The following PCLAF variants were observed in gnomAD, a reference collection of about 807,000 sequenced individuals.
The protein encoded by PCLAF is PCNA-associated factor.
Under a neutral mutation model 15.1 loss-of-function variants are expected in PCLAF, and 12 were observed. The ratio of observed to expected loss-of-function variants is 0.79; its 90% CI spans 0.51 to 1.29. The LOEUF is 1.29. Among genes scored for constraint, PCLAF ranks in the 50% most tolerant of loss-of-function variants. The pLI is 0.00. For missense variants in PCLAF, 116 were observed against 130.9 expected (o/e 0.89, Z 0.56); for synonymous variants, 33 against 47.1 (o/e 0.70, Z 1.22).
rs903935696 is a variant in PCLAF at position 64,365,163 on chromosome 15, C to T, written c.*867G>A. On this transcript the variant is annotated 3_prime_UTR_variant, in exon 4 of 4. Transcript: ENST00000300035. Reference sequence around the variant, plus strand: ...GACTACAGGCGCCCGCCACCGCGCCCGGCTAATTTTTTGTATTTTTAGTAG... The same window carrying T: ...GACTACAGGCGCCCGCCACCGCGCCTGGCTAATTTTTTGTATTTTTAGTAG... 2.6e-5 allele frequency: 4 copies of T among 151,844 alleles called. No individual in the cohort carries two copies. Among genetic ancestry groups the T allele is most frequent in the African/African-American group, 4.8e-5 (2 of 41,352 alleles). The allele number at this position is 151,844 out of a possible 1,614,324, so 9.4% of individuals were successfully genotyped here. A position where few individuals can be genotyped will look rare whatever the true frequency, so the allele number is the denominator to read the frequency against.
chr15:64,368,065 G>C (rs958929680), intron 3 of PCLAF, among the ~76,000 whole-genome samples: 1 of 151,944 alleles, frequency 6.6e-6, no homozygotes, highest in African/African-American at 2.4e-5. Context: ...TCGTTGGCCC[G>C]GCGCGGTGGC....
At position 64,381,431 on chromosome 15, in the gene PCLAF, A is replaced by C; in HGVS notation, c.-60T>G. The C allele has an allele frequency of 1.2e-6, 2 of 1,613,444 alleles. No homozygotes were observed. Among genetic ancestry groups the C allele is most frequent in the Non-Finnish European group, 1.7e-6 (2 of 1,179,684 alleles). On this transcript the variant is annotated 5_prime_UTR_variant, in exon 1 of 4. Transcript: ENST00000300035. ...CTGACTTCCCAGCCGAGGGTGTTTC[A>C]CTGGACAAGGACCCGAAAACTATCC...
rs754634033 is a variant in PCLAF at position 64,376,853 on chromosome 15, C to T, written c.180G>A (p.Lys60=). The T allele has an allele frequency of 1.9e-6, 3 of 1,613,916 alleles. No individual in the cohort carries two copies. The South Asian group carries it at 3.3e-5, about 18-fold the overall frequency. ...AGAATTCTCCAATTCCTTTTTGCCA[C>T]TTGGGAGTTGGGCGCACGCAAACGG... The part of the protein sequence containing the change: ...GNPVCVRPTP[K]WQKGIGEFFR... Residue 60 remains lysine, a synonymous_variant, in exon 3 of 4, where the codon AAG becomes AAA. Transcript: ENST00000300035.
upstream of PCLAF, among the ~76,000 whole-genome samples, chr15:64,384,054 G>A (rs1485398844): frequency 6.6e-6 from 1 of 152,158 alleles, no homozygotes; most frequent in African/African-American, 2.4e-5. Context: ...GTGGTGTGGA[G>A]TGAACCTGAA....
chr15:64,381,634 C>CCTTT, upstream of PCLAF: 3 of 942,754 alleles, frequency 3.2e-6, no homozygotes, highest in Non-Finnish European at 4.5e-6. Flanking sequence ...GATTCGTAGG[C>CCTTT]GCCCCAGGTG....
intron 2 of PCLAF, among the ~76,000 whole-genome samples, chr15:64,378,137 A>G (rs1444374034): frequency 6.6e-6 from 1 of 151,958 alleles, no homozygotes; most frequent in African/African-American, 2.4e-5. Context: ...TCACCATGCT[A>G]GGATGGTCTC....
At chr15:64,380,120 C>T (rs2062248) in intron 2 of PCLAF, among the ~76,000 whole-genome samples, 122,749 of 151,994 alleles carry the variant, frequency 0.81, 50,433 homozygotes, top group East Asian at 0.95. Flanking sequence ...TGGTGGATCA[C>T]GTCTGTGTTC....
intron 1 of PCLAF, 48 bp from the exon 2 acceptor site, chr15:64,381,086 C>T (rs1899801774): frequency 6.4e-7 from 1 of 1,565,114 alleles, no homozygotes. Context: ...AGGAGGGTTC[C>T]GACACCGAGT....
At chr15:64,368,226 T>C (rs1364381941) in intron 3 of PCLAF, among the ~76,000 whole-genome samples, 1 of 151,874 alleles carries the variant, frequency 6.6e-6, no homozygotes, top group African/African-American at 2.4e-5. Flanking sequence ...GTGCCTGTAA[T>C]CCCAGCTACT....
At chr15:64,370,724 A>G (rs961075613) in intron 3 of PCLAF, among the ~76,000 whole-genome samples, 1 of 150,648 alleles carries the variant, frequency 6.6e-6, no homozygotes, top group African/African-American at 2.4e-5. Flanking sequence ...TAAAAGTTTT[A>G]CTTACCAGAA....
At chr15:64,387,568 C>T (rs1811324188) in exon 1 of PCLAF, 1 of 1,360,792 alleles carries the variant, frequency 7.3e-7, no homozygotes, top group Non-Finnish European at 9.5e-7. Context: ...TTTTTATAGG[C>T]ACTTGCACTG....
chr15:64,371,786 C>T (rs1015217654), intron 3 of PCLAF, among the ~76,000 whole-genome samples: 10 of 151,686 alleles, frequency 6.6e-5, no homozygotes, highest in Non-Finnish European at 1.3e-4. Flanking sequence ...TAGTAGAGAC[C>T]GAGTTTCACC....
intron 3 of PCLAF, among the ~76,000 whole-genome samples, chr15:64,371,346 A>G (rs1899306136): frequency 6.6e-6 from 1 of 151,890 alleles, no homozygotes; most frequent in Non-Finnish European, 1.5e-5. Flanking sequence ...GCTCACTGCA[A>G]CCTCTGCCTC....
intron 2 of PCLAF, among the ~76,000 whole-genome samples, chr15:64,379,844 A>G (rs1899753562): frequency 1.3e-5 from 2 of 152,172 alleles, no homozygotes; most frequent in Non-Finnish European, 1.5e-5. Flanking sequence ...CTACTCTCCC[A>G]AAGACAGTAT....
At chr15:64,381,491 T>C, upstream of PCLAF, 2 of 1,585,824 alleles carry the variant, frequency 1.3e-6, no homozygotes, top group Non-Finnish European at 1.7e-6. Flanking sequence ...TCCCGCGCGC[T>C]CCAAGGTCTC....
intron 3 of PCLAF, among the ~76,000 whole-genome samples, chr15:64,370,323 T>A (rs1899231759): frequency 6.6e-6 from 1 of 151,222 alleles, no homozygotes. Context: ...TCCTCCCCCT[T>A]CAGTCTCCCA....
chr15:64,371,364 C>T (rs1899306542), intron 3 of PCLAF, among the ~76,000 whole-genome samples: 1 of 152,046 alleles, frequency 6.6e-6, no homozygotes, highest in South Asian at 2.1e-4. Flanking sequence ...CTCCTGAGTT[C>T]AAGTGATTGT....
intron 3 of PCLAF, chr15:64,373,627 A>AAG (rs1899449709): frequency 6.6e-7 from 1 of 1,510,386 alleles, no homozygotes; most frequent in Admixed American, 2.1e-5. Context: ...GAACAAATGA[A>AAG]GAAACCTGCA....
upstream of PCLAF, among the ~76,000 whole-genome samples, chr15:64,381,948 A>G (rs1049721645): frequency 9.9e-5 from 15 of 152,194 alleles, no homozygotes; most frequent in African/African-American, 3.6e-4. Flanking sequence ...AAGGAAGCTA[A>G]TACAACTTGT....
Sources: allele counts gnomAD v4.1 joint callset (sites outside exome capture counted in the v4.1 genomes callset), GRCh38; gene constraint gnomAD v4.1.1; transcripts MANE v1.5; gene names NCBI Gene and HGNC (gene_info 2026-07-23, HGNC 2026-07-21).